Variants in VPS35L observed in about 807,000 individuals in gnomAD.
VPS35L encodes the protein VPS35 endosomal protein sorting factor like.
In VPS35L, 83 loss-of-function variants were observed where a neutral mutation model predicts 133.0. The observed-to-expected ratio is 0.62, with a 90% CI of 0.52 to 0.75. The LOEUF (loss-of-function observed/expected upper bound fraction) is 0.75. Among genes scored for constraint, VPS35L ranks in the 30% least tolerant of loss-of-function variants. The probability of loss-of-function intolerance (pLI) is 0.00; values close to 1 mark genes in which losing one functional copy is unlikely to be tolerated. For synonymous variants in VPS35L, 423 were observed against 449.9 expected, an observed-to-expected ratio of 0.94 and a Z score of 0.76; for missense variants, 1,083 against 1,206.8, an observed-to-expected ratio of 0.90 and a Z score of 1.52.
intron 9 of VPS35L, among the ~76,000 whole-genome samples, chr16:19,603,315 G>C (rs1327540080): frequency 2.0e-5 from 3 of 152,122 alleles, no homozygotes; most frequent in Admixed American, 1.3e-4. Context: ...CACTGGCCAC[G>C]TGTTGCTCTT....
chr16:19,693,327 G>T (rs1042589108), intron 29 of VPS35L, among the ~76,000 whole-genome samples: 2 of 152,048 alleles, frequency 1.3e-5, no homozygotes, highest in African/African-American at 4.8e-5. Flanking sequence ...GTTGGTTAAT[G>T]GGTACAAAGA....
intron 24 of VPS35L, among the ~76,000 whole-genome samples, 194 bp downstream of exon 24, chr16:19,648,076 T>C (rs1419473275): frequency 6.6e-6 from 1 of 152,056 alleles, no homozygotes; most frequent in African/African-American, 2.4e-5. Context: ...TGTCTCAGCC[T>C]CCTGAGTAGC....
At chr16:19,619,530 C>G (rs1036153975) in intron 14 of VPS35L, among the ~76,000 whole-genome samples, 1 of 152,058 alleles carries the variant, frequency 6.6e-6, no homozygotes, top group Non-Finnish European at 1.5e-5. Context: ...CGGAAACATA[C>G]AAGCAGGATT....
chr16:19,629,243 A>G (rs899706294), intron 17 of VPS35L, among the ~76,000 whole-genome samples: 1 of 152,192 alleles, frequency 6.6e-6, no homozygotes, highest in Non-Finnish European at 1.5e-5. Context: ...ACCAGCCTGG[A>G]CAACATAGCA....
chr16:19,583,857 G>A (rs1407070251), intron 7 of VPS35L, among the ~76,000 whole-genome samples: 1 of 152,010 alleles, frequency 6.6e-6, no homozygotes, highest in East Asian at 1.9e-4. Context: ...CAACCTCTTT[G>A]TTCTCCCCTT....
chr16:19,647,516 C>T (rs1423339452), intron 23 of VPS35L, among the ~76,000 whole-genome samples: 1 of 152,132 alleles, frequency 6.6e-6, no homozygotes, highest in Non-Finnish European at 1.5e-5. Flanking sequence ...TGACAAGGGG[C>T]CCCCAATAAC....
At chr16:19,688,820 A>C (rs933046983) in intron 28 of VPS35L, among the ~76,000 whole-genome samples, 4 of 152,198 alleles carry the variant, frequency 2.6e-5, no homozygotes, top group Non-Finnish European at 4.4e-5. Flanking sequence ...GTGTGGAAGG[A>C]AAGAACTGGC....
intron 14 of VPS35L, chr16:19,617,396 G>C (rs1374759968): frequency 1.2e-5 from 2 of 164,450 alleles, no homozygotes; most frequent in Non-Finnish European, 2.7e-5. Flanking sequence ...TTGGTGACTT[G>C]ATACAAACCC....
In VPS35L at chr16:19,669,667, GTC is replaced by G. The variant is rs949608643; in HGVS notation, c.2361+374_2361+375del. Among the ~76,000 whole-genome samples the G allele has an allele frequency of 4.4e-4, 61 of 137,960 alleles. No individual in the cohort carries two copies. In the East Asian group the frequency reaches 0.01, roughly 23 times the overall value. 90.5% of individuals were successfully genotyped at this position (137,960 alleles called of 152,430 possible). A position where few individuals can be genotyped will look rare whatever the true frequency, so the allele number is the denominator to read the frequency against. On this transcript the variant is annotated intron_variant, in intron 27 of 30. Transcript: ENST00000417362. ...AGACAACCATCTTCTCTCTCTTTCTGTCTCTCTTTTTTTTTTTTTTGAGATGG... is the reference window on the plus strand; with the variant it reads ...AGACAACCATCTTCTCTCTCTTTCTGTCTCTTTTTTTTTTTTTTGAGATGG...
At chr16:19,658,875 C>T (rs544724569) in intron 26 of VPS35L, among the ~76,000 whole-genome samples, 2 of 152,032 alleles carry the variant, frequency 1.3e-5, no homozygotes, top group African/African-American at 4.8e-5. Flanking sequence ...GGTCTGAACT[C>T]CTGGCAAAAT....
At chr16:19,673,486 T>G (rs1974945431) in intron 27 of VPS35L, among the ~76,000 whole-genome samples, 1 of 152,232 alleles carries the variant, frequency 6.6e-6, no homozygotes. Flanking sequence ...CTTGGCCCCT[T>G]AGGCATTTGT....
At position 19,573,066 on chromosome 16, in the gene VPS35L, T is replaced by C. The variant is rs1227335796; in HGVS notation, c.286-53T>C. ...TGGCTTCTATTTATATATGTATATA[T>C]TTAAAGATCAAAATGATATTGCTGC... On this transcript the variant is annotated intron_variant, in intron 3 of 30. Transcript: ENST00000417362. 2.5e-6 allele frequency: 4 copies of C among 1,577,412 alleles called. No individual in the cohort carries two copies. The East Asian group carries it at 9.0e-5, about 36-fold the overall frequency.
At position 19,664,275 on chromosome 16, in the gene VPS35L, T is replaced by G. The variant is rs544939677; in HGVS notation, c.2222-4885T>G. Among the ~76,000 whole-genome samples, 12 of 152,240 alleles carry G rather than the reference T, an allele frequency of 7.9e-5. No individual in the cohort carries two copies. The South Asian group carries it at 2.5e-3, about 32-fold the overall frequency. ...TATGTTTATGCAATTTTTCTTACTATGAATACGGGGACGGTGGCTGCGTTT... is the reference window on the plus strand; with the variant it reads ...TATGTTTATGCAATTTTTCTTACTAGGAATACGGGGACGGTGGCTGCGTTT... On this transcript the variant is annotated intron_variant, in intron 26 of 30. Transcript: ENST00000417362.
chr16:19,587,015 G>A (rs916475960), intron 7 of VPS35L, among the ~76,000 whole-genome samples: 3 of 152,082 alleles, frequency 2.0e-5, no homozygotes, highest in Admixed American at 6.6e-5. Context: ...GCATGGCTGC[G>A]GAGTCCTCAG....
intron 7 of VPS35L, among the ~76,000 whole-genome samples, chr16:19,584,778 A>T (rs1971814927): frequency 6.6e-6 from 1 of 151,898 alleles, no homozygotes; most frequent in Non-Finnish European, 1.5e-5. Context: ...TACAGCCTAG[A>T]AGTCCCAGAC....
chr16:19,693,135 G>A (rs182220338), intron 29 of VPS35L, among the ~76,000 whole-genome samples: 13 of 152,326 alleles, frequency 8.5e-5, no homozygotes, highest in African/African-American at 1.4e-4. Context: ...AGTGCCTGGA[G>A]GGCTCTTGGT....
intron 27 of VPS35L, among the ~76,000 whole-genome samples, chr16:19,677,096 T>TG (rs1218320163): frequency 6.6e-6 from 1 of 150,904 alleles, no homozygotes; most frequent in African/African-American, 2.4e-5. Flanking sequence ...GATGGAGTCA[T>TG]GCTCTGTCAC....
At chr16:19,681,195 A>G (rs530279156) in intron 27 of VPS35L, among the ~76,000 whole-genome samples, 13 of 152,246 alleles carry the variant, frequency 8.5e-5, no homozygotes, top group African/African-American at 3.1e-4. Flanking sequence ...TGCCTCACCT[A>G]TCCTTCCTCT....
chr16:19,681,809 C>T (rs570466998), intron 27 of VPS35L, among the ~76,000 whole-genome samples: 3 of 152,230 alleles, frequency 2.0e-5, no homozygotes, highest in Admixed American at 1.3e-4. Flanking sequence ...GCTCACCCAG[C>T]GTAGGTGGCT....
Sources: gnomAD v4.1 joint callset for allele counts (sites outside exome capture counted in the v4.1 genomes callset) on GRCh38, gnomAD v4.1.1 for gene constraint, MANE v1.5 for transcripts, NCBI Gene and HGNC (gene_info 2026-07-23, HGNC 2026-07-21) for gene names.